Variants in PARVA observed in about 807,000 individuals in gnomAD.
PARVA encodes parvin alpha, also known as alpha-parvin.
PARVA carries 25 observed loss-of-function variants against 52.6 expected under a neutral mutation model. That is an observed-to-expected ratio of 0.48 (90% confidence interval 0.35 to 0.66). The LOEUF (loss-of-function observed/expected upper bound fraction) is 0.66. Ranked by LOEUF, PARVA falls within the 30% of genes least tolerant of loss-of-function variation. PARVA has a pLI of 0.01. For synonymous variants in PARVA, 185 were observed against 179.1 expected (o/e 1.03, Z -0.26); for missense variants, 373 against 450.9 (o/e 0.83, Z 1.56).
chr11:12,483,836 C>T (rs138755908), intron 4 of PARVA, among the ~76,000 whole-genome samples: 8 of 152,326 alleles, frequency 5.3e-5, no homozygotes, highest in Non-Finnish European at 8.8e-5. Context: ...TCATGACATA[C>T]ACTTCATCCT....
intron 1 of PARVA, among the ~76,000 whole-genome samples, chr11:12,462,736 A>C (rs1420416909): frequency 6.6e-6 from 1 of 152,144 alleles, no homozygotes; most frequent in Non-Finnish European, 1.5e-5. Flanking sequence ...AGACCACCGA[A>C]CTTTCAGTGA....
chr11:12,518,878 G>C (rs1451253901), intron 12 of PARVA, among the ~76,000 whole-genome samples: 3 of 152,204 alleles, frequency 2.0e-5, no homozygotes, highest in Admixed American at 2.0e-4. Context: ...GTGCAGCGCA[G>C]ACAGTTCTGG....
intron 9 of PARVA, chr11:12,513,655 C>T (rs1941531441): frequency 4.9e-6 from 3 of 608,688 alleles, no homozygotes; most frequent in Non-Finnish European, 8.9e-6. Flanking sequence ...GGCCTAGGCA[C>T]CTGTGCCGAA....
chr11:12,446,726 C>T (rs948741712), intron 1 of PARVA, among the ~76,000 whole-genome samples: 1 of 152,108 alleles, frequency 6.6e-6, no homozygotes, highest in Non-Finnish European at 1.5e-5. Flanking sequence ...TGAAAGCTAG[C>T]CTTGTCCAAT....
intron 1 of PARVA, among the ~76,000 whole-genome samples, chr11:12,469,665 A>G (rs1295082426): frequency 6.6e-6 from 1 of 152,218 alleles, no homozygotes; most frequent in Non-Finnish European, 1.5e-5. Context: ...ATTCACTTTT[A>G]CAAACAGTTG....
At chr11:12,403,664 A>T (rs1261904827) in intron 1 of PARVA, among the ~76,000 whole-genome samples, 1 of 152,272 alleles carries the variant, frequency 6.6e-6, no homozygotes, top group African/African-American at 2.4e-5. Context: ...GCAATGTCTT[A>T]GAAAATATAG....
chr11:12,425,840 TCTTA>T (rs924918248), intron 1 of PARVA, among the ~76,000 whole-genome samples: 1 of 152,214 alleles, frequency 6.6e-6, no homozygotes, highest in African/African-American at 2.4e-5. Flanking sequence ...CGTTAACAAT[TCTTA>T]CTTCGTTACC....
At chr11:12,473,077 ACT>A (rs1940955078) in intron 1 of PARVA, among the ~76,000 whole-genome samples, 1 of 152,004 alleles carries the variant, frequency 6.6e-6, no homozygotes, top group African/African-American at 2.4e-5. Context: ...ATCCAGTCAA[ACT>A]CTATTTTCAG....
rs1416261369 is a variant in PARVA, at chr11:12,531,813, A to ATT, written c.*3888_*3889insTT. ...TTGCTGCAGCTGCTGAAAACAAGAGAGCTGCATTAAGCTGCAAGGCCGGGT... is the reference window on the plus strand; with the variant it reads ...TTGCTGCAGCTGCTGAAAACAAGAGATTGCTGCATTAAGCTGCAAGGCCGGGT... On this transcript the variant is annotated 3_prime_UTR_variant, in exon 13 of 13. Coordinates refer to ENST00000334956, the MANE Select transcript of PARVA (RefSeq NM_018222.5). Among the ~76,000 whole-genome samples the ATT allele has an allele frequency of 6.6e-6, 1 of 151,988 alleles. No homozygotes were observed. Among genetic ancestry groups the ATT allele is most frequent in the East Asian group, 1.9e-4 (1 of 5,188 alleles).
intron 1 of PARVA, among the ~76,000 whole-genome samples, chr11:12,395,091 C>CAA (rs901391955): frequency 3.6e-5 from 2 of 54,894 alleles, no homozygotes; most frequent in African/African-American, 7.7e-5. Context: ...AACTCCATCT[C>CAA]AAAAAAAAAA....
chr11:12,474,037 A>C (rs901466967), intron 3 of PARVA, 54 bp downstream of exon 3: 2 of 1,361,828 alleles, frequency 1.5e-6, no homozygotes, highest in Admixed American at 3.9e-5. Flanking sequence ...CCATGTGTCC[A>C]TATGCCACCT....
At chr11:12,390,124 C>G (rs1262898286) in intron 1 of PARVA, among the ~76,000 whole-genome samples, 1 of 152,140 alleles carries the variant, frequency 6.6e-6, no homozygotes, top group African/African-American at 2.4e-5. Context: ...GACATAAACC[C>G]AGGTGGAGCA....
At chr11:12,435,563 A>AG (rs1465775906) in intron 1 of PARVA, among the ~76,000 whole-genome samples, 10 of 152,164 alleles carry the variant, frequency 6.6e-5, no homozygotes, top group African/African-American at 2.4e-4. Context: ...GTGGAATTAC[A>AG]GGGGGGTTTG....
chr11:12,454,218 C>T (rs920708692), intron 1 of PARVA, among the ~76,000 whole-genome samples: 1 of 152,154 alleles, frequency 6.6e-6, no homozygotes, highest in Non-Finnish European at 1.5e-5. Context: ...GGCTGCTACT[C>T]ATAGAAAAGA....
At chr11:12,414,221 G>A (rs1449034342) in intron 1 of PARVA, among the ~76,000 whole-genome samples, 5 of 152,214 alleles carry the variant, frequency 3.3e-5, no homozygotes, top group Non-Finnish European at 7.3e-5. Context: ...GTAAATAAGA[G>A]ATAATTACAC....
At chr11:12,475,937 G>T (rs906909800) in intron 3 of PARVA, among the ~76,000 whole-genome samples, 2 of 152,188 alleles carry the variant, frequency 1.3e-5, no homozygotes, top group Admixed American at 1.3e-4. Context: ...AACAGTTGAG[G>T]TGCAGGCTGT....
At chr11:12,484,731 G>T (rs2135048734) in intron 4 of PARVA, among the ~76,000 whole-genome samples, 1 of 152,018 alleles carries the variant, frequency 6.6e-6, no homozygotes, top group African/African-American at 2.4e-5. Context: ...GTAGTATACA[G>T]GTCTGTAAGA....
Position 12,529,388 on chromosome 11 carries a change from TAC to T in PARVA, c.*1465_*1466del, listed in dbSNP as rs1276174942. Reference sequence around the variant, plus strand: ...GGGGAAAATATTTGCACTCTAAACATACAGAGATAGAGGTGGGGCTTGTGGTA... The same window carrying T: ...GGGGAAAATATTTGCACTCTAAACATAGAGATAGAGGTGGGGCTTGTGGTA... On this transcript the variant is annotated 3_prime_UTR_variant, in exon 13 of 13. Transcript: ENST00000334956. 6.6e-6 allele frequency: 1 copy of T among 152,128 alleles called. No homozygotes were observed. The highest frequency in any genetic ancestry group is 1.9e-4 in the East Asian group (1 of 5,196). The allele number at this position is 152,128 out of a possible 1,614,324, so 9.4% of individuals were successfully genotyped here.
chr11:12,388,716 A>T (rs1172768304), intron 1 of PARVA, among the ~76,000 whole-genome samples: 1 of 151,864 alleles, frequency 6.6e-6, no homozygotes, highest in Non-Finnish European at 1.5e-5. Flanking sequence ...TAGTATTGTG[A>T]GTATACTATG....
Sources: gnomAD v4.1 joint callset for allele counts (sites outside exome capture counted in the v4.1 genomes callset) on GRCh38, gnomAD v4.1.1 for gene constraint, MANE v1.5 for transcripts, NCBI Gene and HGNC (gene_info 2026-07-23, HGNC 2026-07-21) for gene names.